The following RFTN1 variants were observed in gnomAD, a reference collection of about 807,000 sequenced individuals.
RFTN1 encodes raftlin, lipid raft linker 1, also known as raftlin.
In RFTN1, 26 loss-of-function variants were observed where a neutral mutation model predicts 46.5. The observed-to-expected ratio is 0.56, with a 90% CI of 0.41 to 0.78. The LOEUF (loss-of-function observed/expected upper bound fraction) is 0.78, where lower values mean the gene tolerates loss of function less well. RFTN1 is among the 30% of genes least tolerant of loss of function. RFTN1 has a pLI of 0.00. For missense variants in RFTN1, 693 were observed against 718.7 expected (o/e 0.96, Z 0.41); for synonymous variants, 261 against 284.2 (o/e 0.92, Z 0.82).
At chr3:16,438,594 A>AG in intron 2 of RFTN1, among the ~76,000 whole-genome samples, 1 of 146,108 alleles carries the variant, frequency 6.8e-6, no homozygotes, top group Non-Finnish European at 1.5e-5. Flanking sequence ...TCAAAAAAAA[A>AG]AAAAAAAAAA....
chr3:16,376,510 AGATG>A lies in RFTN1; in HGVS notation c.826+1204_826+1207del, dbSNP rs2073778757. Among the ~76,000 whole-genome samples, 1 of 152,300 alleles carries A rather than the reference AGATG, an allele frequency of 6.6e-6. No homozygotes were observed. The highest frequency in any genetic ancestry group is 1.9e-4 in the East Asian group (1 of 5,176). On this transcript the variant is annotated intron_variant, in intron 5 of 9. Transcript: ENST00000334133. The surrounding 1 kb of genome is among the most constrained non-coding windows in gnomAD (Gnocchi z 4.7). ...CACATCCAGCCCAGCCTCCATGAGA[AGATG>A]GAGGTTTCTGGACTAAGACCTGGGC...
At chr3:16,456,339 G>T (rs1316403991) in intron 2 of RFTN1, among the ~76,000 whole-genome samples, 1 of 152,152 alleles carries the variant, frequency 6.6e-6, no homozygotes, top group Admixed American at 6.5e-5. Flanking sequence ...GAGATCTGTG[G>T]TAGAAAGTAT....
At chr3:16,398,953 C>G (rs1372607972) in intron 4 of RFTN1, among the ~76,000 whole-genome samples, 1 of 152,196 alleles carries the variant, frequency 6.6e-6, no homozygotes, top group Non-Finnish European at 1.5e-5. Flanking sequence ...GCAGTGACGA[C>G]AAAGGAGTAC....
rs114182343 is a variant in RFTN1 at position 16,374,037 on chromosome 3, C to T, written c.826+3681G>A. ...AGGCAAAGTGCAGGGACCGCTGCTG[C>T]GTGCACAACAATCCACAGGACTCCA... On this transcript the variant is annotated intron_variant, in intron 5 of 9. Coordinates refer to ENST00000334133, the MANE Select transcript of RFTN1 (RefSeq NM_015150.2). The surrounding 1 kb of genome is among the most constrained non-coding windows in gnomAD (Gnocchi z 5.4). Among the ~76,000 whole-genome samples, 93 of 152,304 alleles carry T rather than the reference C, an allele frequency of 6.1e-4. No individual in the cohort carries two copies. The highest frequency in any genetic ancestry group is 3.4e-3 in the Middle Eastern group (1 of 294).
chr3:16,317,254 G>A lies in RFTN1; in HGVS notation c.1333-22C>T. On this transcript the variant is annotated intron_variant, in intron 9 of 9. Coordinates refer to ENST00000334133, the MANE Select transcript of RFTN1 (RefSeq NM_015150.2). This position sits in a 1 kb window ranked among gnomAD's most constrained non-coding sequence, Gnocchi z 4.3. The stretch of plus-strand genomic sequence containing the variant: ...GAAACTAGAAATCAGAAAGGATGGG[G>A]ATAAATAACAAGCCTCCGGGAACCC... The A allele has an allele frequency of 6.2e-7, 1 of 1,607,780 alleles. No individual in the cohort carries two copies. The highest frequency in any genetic ancestry group is 2.2e-5 in the East Asian group (1 of 44,856).
At position 16,402,581 on chromosome 3, in the gene RFTN1, C is replaced by T. The variant is rs987437169; in HGVS notation, c.441+6794G>A. Among the ~76,000 whole-genome samples the T allele has an allele frequency of 5.3e-5, 8 of 152,190 alleles. No homozygotes were observed. Among genetic ancestry groups the T allele is most frequent in the South Asian group, 2.1e-4 (1 of 4,822 alleles). On this transcript the variant is annotated intron_variant, in intron 4 of 9. Transcript: ENST00000334133. The surrounding 1 kb of genome is among the most constrained non-coding windows in gnomAD (Gnocchi z 4.5). ...CTAATTAAAATTAGACTCTCTGCAC[C>T]GCACTTGTAGAAATGAAACTCTGAA...
rs370928701 is a variant in RFTN1, at chr3:16,452,070, C to T, written c.146-18033G>A. 2.9e-4 allele frequency among the ~76,000 whole-genome samples: 44 copies of T among 152,172 alleles called. No homozygotes were observed. Among genetic ancestry groups the T allele is most frequent in the South Asian group, 1.2e-3 (6 of 4,818 alleles). On this transcript the variant is annotated intron_variant, in intron 2 of 9. Coordinates refer to ENST00000334133, the MANE Select transcript of RFTN1 (RefSeq NM_015150.2). This position sits in a 1 kb window ranked among gnomAD's most constrained non-coding sequence, Gnocchi z 6.3. ...CTGGGCGGAATAGAGCAGGATGGCACGAGATTTCACCATGCTACTCAGAAT... is the reference window on the plus strand; with the variant it reads ...CTGGGCGGAATAGAGCAGGATGGCATGAGATTTCACCATGCTACTCAGAAT...
At chr3:16,365,703 C>T (rs796402222) in intron 6 of RFTN1, among the ~76,000 whole-genome samples, 6 of 151,646 alleles carry the variant, frequency 4.0e-5, no homozygotes, top group East Asian at 1.9e-4. Context: ...TTGCCTGGAA[C>T]GTATTCTTGT....
At chr3:16,390,997 A>G (rs1413392743) in intron 4 of RFTN1, among the ~76,000 whole-genome samples, 1 of 152,098 alleles carries the variant, frequency 6.6e-6, no homozygotes, top group Non-Finnish European at 1.5e-5. Context: ...CTCTCTGAAG[A>G]ATCTTTCTTT....
intron 2 of RFTN1, chr3:16,471,991 G>A (rs2076205140): frequency 6.6e-6 from 1 of 151,978 alleles, no homozygotes; most frequent in Admixed American, 6.6e-5. Context: ...TTCATATGGG[G>A]GGGTCTCGCT....
In RFTN1 at chr3:16,345,837, C is replaced by T. The variant is rs922074123; in HGVS notation, c.1146+12095G>A. ...GTGTGTGCGCGCGCGCGTGCGCGCA[C>T]GCGCACATGTGCATGTGTATGTGTA... On this transcript the variant is annotated intron_variant, in intron 7 of 9. Transcript: ENST00000334133. This position sits in a 1 kb window ranked among gnomAD's most constrained non-coding sequence, Gnocchi z 5.2. Among the ~76,000 whole-genome samples, 29 of 29,688 alleles carry T rather than the reference C, an allele frequency of 9.8e-4. No individual in the cohort carries two copies. The highest frequency in any genetic ancestry group is 1.4e-3 in the Admixed American group (5 of 3,636). 19.5% of individuals were successfully genotyped at this position (29,688 alleles called of 152,430 possible). A position where few individuals can be genotyped will look rare whatever the true frequency, so the allele number is the denominator to read the frequency against.
intron 9 of RFTN1, among the ~76,000 whole-genome samples, chr3:16,318,830 G>C (rs2068722492): frequency 6.6e-6 from 1 of 152,214 alleles, no homozygotes; most frequent in South Asian, 2.1e-4. Flanking sequence ...GTAGCTGACA[G>C]ACTTCCCTTA....
rs1197509908 is a variant in RFTN1 at position 16,448,321 on chromosome 3, A to G, written c.146-14284T>C. Among the ~76,000 whole-genome samples, 1 of 152,126 alleles carries G rather than the reference A, an allele frequency of 6.6e-6. No homozygotes were observed. The highest frequency in any genetic ancestry group is 6.5e-5 in the Admixed American group (1 of 15,272). On this transcript the variant is annotated intron_variant, in intron 2 of 9. Transcript: ENST00000334133. This position sits in a 1 kb window ranked among gnomAD's most constrained non-coding sequence, Gnocchi z 4.1. Reference sequence around the variant, plus strand: ...TTCTATTGGACTGCTCTGTCCTAGAACCTTTTGTTTTAAACAGATGCATTT... The same window carrying G: ...TTCTATTGGACTGCTCTGTCCTAGAGCCTTTTGTTTTAAACAGATGCATTT...
Position 16,377,905 on chromosome 3 carries a change from A to G in RFTN1, c.639T>C (p.Ala213=). The G allele has an allele frequency of 4.3e-6, 7 of 1,614,192 alleles. No homozygotes were observed. The highest frequency in any genetic ancestry group is 2.2e-5 in the East Asian group (1 of 44,872). The change falls in exon 5 of 10, where the codon GCT becomes GCC. Residue 213 remains alanine, a synonymous_variant. Coordinates refer to ENST00000334133, the MANE Select transcript of RFTN1 (RefSeq NM_015150.2). ...EKPGTGDVCS[A]PAGRNQSPEP... is the part of the protein sequence containing the mutation. ...CTGGGCTTTGGTTTCTCCCAGCCGG[A>G]GCACTGCACACATCCCCAGTCCCCG... is the stretch of plus-strand genomic sequence containing the variant.
chr3:16,478,576 GT>G (rs2076319006), intron 2 of RFTN1, among the ~76,000 whole-genome samples: 2 of 152,172 alleles, frequency 1.3e-5, no homozygotes, highest in South Asian at 4.1e-4. Flanking sequence ...TTTTCTCACA[GT>G]TTCTGTGAGT....
At chr3:16,463,762 T>A (rs965506082) in intron 2 of RFTN1, among the ~76,000 whole-genome samples, 1 of 152,226 alleles carries the variant, frequency 6.6e-6, no homozygotes, top group Admixed American at 6.5e-5. Context: ...CCAGACATCA[T>A]GTATTAGAAA....
Position 16,475,089 on chromosome 3 carries a change from G to A in RFTN1, c.145+18636C>T, listed in dbSNP as rs1268362441. 6.6e-6 allele frequency among the ~76,000 whole-genome samples: 1 copy of A among 152,166 alleles called. No individual in the cohort carries two copies. Among genetic ancestry groups the A allele is most frequent in the African/African-American group, 2.4e-5 (1 of 41,440 alleles). ...TCACGTGAGAACTGGTTGTTTAAAA[G>A]AGCATGGCACCTCCTCGTCTCTTGC... On this transcript the variant is annotated intron_variant, in intron 2 of 9. Transcript: ENST00000334133. The surrounding 1 kb of genome is among the most constrained non-coding windows in gnomAD (Gnocchi z 4.2).
chr3:16,369,304 T>G (rs1202676798), intron 6 of RFTN1, among the ~76,000 whole-genome samples: 3 of 152,250 alleles, frequency 2.0e-5, no homozygotes, highest in Admixed American at 2.0e-4. Flanking sequence ...TGCCAGGTTT[T>G]GCTGGGATTG....
At position 16,377,790 on chromosome 3, in the gene RFTN1, G is replaced by A; in HGVS notation, c.754C>T (p.Gln252Ter). 6.2e-7 allele frequency: 1 copy of A among 1,614,174 alleles called. No individual in the cohort carries two copies. The highest frequency in any genetic ancestry group is 8.5e-7 in the Non-Finnish European group (1 of 1,180,018). ...GEGDGGELSP[Q>*]GVSKTLDGPE... ...CCATCCAGTGTCTTGCTCACCCCCTGTGGTGAAAGTTCTCCACCATCTCCC... is the reference window on the plus strand; with the variant it reads ...CCATCCAGTGTCTTGCTCACCCCCTATGGTGAAAGTTCTCCACCATCTCCC... Residue 252 changes from glutamine (Q) to a stop codon, truncating the protein, a stop_gained, in exon 5 of 10, where the codon CAG becomes TAG. Transcript: ENST00000334133. LOFTEE classifies it high-confidence loss of function.
Sources: allele counts gnomAD v4.1 joint callset (sites outside exome capture counted in the v4.1 genomes callset), GRCh38; gene constraint gnomAD v4.1.1; non-coding constraint Gnocchi (gnomAD v3.1); transcripts MANE v1.5; gene names NCBI Gene and HGNC (gene_info 2026-07-23, HGNC 2026-07-21).